RTL1: variants seen among roughly 807,000 people sequenced by gnomAD.
The protein encoded by RTL1 is retrotransposon Gag like 1.
For missense variants in RTL1, 1,681 were observed against 1,767.5 expected (o/e 0.95, Z 0.88); for synonymous variants, 727 against 748.4 (o/e 0.97, Z 0.47).
chr14:100,881,821 C>T lies in RTL1; in HGVS notation c.2968G>A (p.Gly990Ser), dbSNP rs201992343. ...TTTCTCACAGGTGGCAGAGCTCGGCCGCCGTCTTGTTCTGGCAGCTCCATG... is the reference window on the plus strand; with the variant it reads ...TTTCTCACAGGTGGCAGAGCTCGGCTGCCGTCTTGTTCTGGCAGCTCCATG... ...DVMELPEQDG[G>S]RALPPVRNLR... Residue 990 changes from glycine (G) to serine (S), a missense_variant, in exon 4 of 4, where the codon GGC (glycine) becomes AGC (serine). Gly to Ser is a moderately conservative substitution (Grantham distance 56). Coordinates refer to ENST00000649591, the MANE Select transcript of RTL1 (RefSeq NM_001134888.3). The surrounding 1 kb of genome is among the most constrained non-coding windows in gnomAD (Gnocchi z 6.6). 1.9e-4 allele frequency: 309 copies of T among 1,613,912 alleles called. No individual in the cohort carries two copies. The African/African-American group carries it at 2.5e-3, about 13-fold the overall frequency.
intron 3 of RTL1, among the ~76,000 whole-genome samples, chr14:100,887,608 G>C (rs1257513922): frequency 6.6e-6 from 1 of 151,458 alleles, no homozygotes; most frequent in African/African-American, 2.4e-5. Flanking sequence ...ACAAAAATTA[G>C]CCGGGAGTAG....
Position 100,881,992 on chromosome 14 carries a change from C to T in RTL1, c.2797G>A (p.Val933Met). ...GTGTTCTCCAGGTAGCGGCACCACA[C>T]CATGAAGGCAGCCCGTATTGGAAGA... is the stretch of plus-strand genomic sequence containing the variant. Reference protein sequence around the residue: ...KILPIRAAFMVWCRYLENTEE... With the variant: ...KILPIRAAFMMWCRYLENTEE... Residue 933 changes from valine (V) to methionine (M), a missense_variant, in exon 4 of 4, where the codon GTG becomes ATG. Physicochemically the swap from Val to Met is conservative, Grantham distance 21. Transcript: ENST00000649591. The surrounding 1 kb of genome is among the most constrained non-coding windows in gnomAD (Gnocchi z 6.6). 6.2e-7 allele frequency: 1 copy of T among 1,613,660 alleles called. No individual in the cohort carries two copies. The highest frequency in any genetic ancestry group is 1.1e-5 in the South Asian group (1 of 91,040).
chr14:100,883,386 C>A lies in RTL1; in HGVS notation c.1403G>T (p.Gly468Val). Residue 468 changes from glycine (G) to valine (V), a missense_variant, in exon 4 of 4, where the codon GGC becomes GTC. By Grantham distance (109) the Gly-to-Val change is moderately radical (BLOSUM62 -3). Coordinates refer to ENST00000649591, the MANE Select transcript of RTL1 (RefSeq NM_001134888.3). The surrounding 1 kb of genome is among the most constrained non-coding windows in gnomAD (Gnocchi z 5.9). Reference protein sequence around the residue: ...PVQSVDGSLIGNEPVWLYTEP... With the variant: ...PVQSVDGSLIVNEPVWLYTEP... ...CGTGTAGAGCCAGACAGGCTCGTTG[C>A]CAATCAGCGAGCCGTCCACGGATTG... 6.4e-7 allele frequency: 1 copy of A among 1,550,532 alleles called. No individual in the cohort carries two copies. Among genetic ancestry groups the A allele is most frequent in the Non-Finnish European group, 8.7e-7 (1 of 1,146,242 alleles).
rs751778146 is a variant in RTL1 at position 100,882,066 on chromosome 14, C to T, written c.2723G>A (p.Arg908His). The part of the protein sequence containing the change: ...GKRACCAFYS[R>H]NISPIEVEYS... ...CTCAACCTCGATAGGGGAGATGTTG[C>T]GGGAGTAGAAAGCGCAGCAGGCTCT... Residue 908 changes from arginine to histidine, a missense_variant, in exon 4 of 4, where the codon CGC becomes CAC. Arg to His is a conservative substitution (Grantham distance 29). Transcript: ENST00000649591. 2.5e-6 allele frequency: 4 copies of T among 1,606,996 alleles called. No individual in the cohort carries two copies. The highest frequency in any genetic ancestry group is 1.3e-5 in the African/African-American group (1 of 74,764).
Position 100,882,090 on chromosome 14 carries a change from C to T in RTL1, c.2699G>A (p.Arg900Lys), listed in dbSNP as rs750723968. 3.8e-6 allele frequency: 6 copies of T among 1,585,156 alleles called. No individual in the cohort carries two copies. The highest frequency in any genetic ancestry group is 4.3e-6 in the Non-Finnish European group (5 of 1,165,112). The change falls in exon 4 of 4, where the codon AGA becomes AAA. Residue 900 changes from arginine to lysine, a missense_variant. Arg to Lys is a conservative substitution (Grantham distance 26, BLOSUM62 2). Transcript: ENST00000649591. ...GCGGGAGTAGAAAGCGCAGCAGGCT[C>T]TCTTGCCGGTTTGGTCGTCGATTTG... ...LIQIDDQTGK[R>K]ACCAFYSRNI...
chr14:100,883,485 C>T lies in RTL1; in HGVS notation c.1304G>A (p.Gly435Asp), dbSNP rs2038650529. Residue 435 changes from glycine to aspartate, a missense_variant, in exon 4 of 4, where the codon GGC becomes GAC. Physicochemically the swap from Gly to Asp is moderately conservative, Grantham distance 94 (BLOSUM62 -1). Transcript: ENST00000649591. This position sits in a 1 kb window ranked among gnomAD's most constrained non-coding sequence, Gnocchi z 5.9. ...VQALVDSGAD[G>D]NFMDEKFAQE... ...GGCGAACTTCTCATCCATGAAGTTG[C>T]CGTCAGCTCCCGAATCCACCAGGGC... 1 of 1,551,238 alleles carries T rather than the reference C, an allele frequency of 6.4e-7. No homozygotes were observed. Among genetic ancestry groups the T allele is most frequent in the Non-Finnish European group, 8.7e-7 (1 of 1,146,944 alleles).
intron 3 of RTL1, among the ~76,000 whole-genome samples, chr14:100,887,010 A>C (rs1481490293): frequency 6.6e-6 from 1 of 152,224 alleles, no homozygotes; most frequent in Non-Finnish European, 1.5e-5. Flanking sequence ...AATACTTCTT[A>C]ACATCAAAGT....
Position 100,883,875 on chromosome 14 carries a change from A to G in RTL1, c.914T>C (p.Ile305Thr). ...GGGTACCAGGCTCTGGAACTCATCG[A>G]TGTACTCAGTGGCAGAGCGGCCGCC... ...RQGGRSATEY[I>T]DEFQSLVPIL... The change falls in exon 4 of 4, where the codon ATC (isoleucine) becomes ACC (threonine). Residue 305 changes from isoleucine (I) to threonine (T), a missense_variant. Coordinates refer to ENST00000649591, the MANE Select transcript of RTL1 (RefSeq NM_001134888.3). The surrounding 1 kb of genome is among the most constrained non-coding windows in gnomAD (Gnocchi z 5.9). 1.9e-6 allele frequency: 3 copies of G among 1,551,562 alleles called. No homozygotes were observed. The highest frequency in any genetic ancestry group is 2.4e-5 in the East Asian group (1 of 40,910).
chr14:100,899,711 T>TTA (rs111408702), intron 2 of RTL1, among the ~76,000 whole-genome samples: 1 of 142,836 alleles, frequency 7.0e-6, no homozygotes, highest in African/African-American at 2.6e-5. Flanking sequence ...TTCCTGATAT[T>TTA]AAAAAAAAAA....
At chr14:100,901,018 C>T (rs2038934202) in intron 2 of RTL1, among the ~76,000 whole-genome samples, 1 of 152,204 alleles carries the variant, frequency 6.6e-6, no homozygotes, top group Non-Finnish European at 1.5e-5. Flanking sequence ...GTCTGTTAGC[C>T]AGGAAGGCAA....
chr14:100,900,778 G>A (rs2038930679), intron 2 of RTL1, among the ~76,000 whole-genome samples: 1 of 152,092 alleles, frequency 6.6e-6, no homozygotes, highest in Admixed American at 6.5e-5. Context: ...TTCCCATGTG[G>A]GTGCCTCTTG....
rs777898006 is a variant in RTL1, at chr14:100,880,391, G to A, written c.*321C>T. Among the ~76,000 whole-genome samples the A allele has an allele frequency of 2.6e-5, 4 of 152,116 alleles. No individual in the cohort carries two copies. The highest frequency in any genetic ancestry group is 4.8e-5 in the African/African-American group (2 of 41,432). On this transcript the variant is annotated 3_prime_UTR_variant, in exon 4 of 4. Coordinates refer to ENST00000649591, the MANE Select transcript of RTL1 (RefSeq NM_001134888.3). ...TGCCTGCTTCTTCATCTGGCCACGC[G>A]TCATGGGGTCACTTCCTGCTCACCA...
intron 2 of RTL1, among the ~76,000 whole-genome samples, chr14:100,902,307 C>T (rs1030165246): frequency 1.3e-5 from 2 of 152,152 alleles, no homozygotes; most frequent in Non-Finnish European, 2.9e-5. Context: ...AATGGCAATA[C>T]CCCCACCAAT....
chr14:100,900,724 T>C (rs1348025041), intron 2 of RTL1, among the ~76,000 whole-genome samples: 3 of 152,352 alleles, frequency 2.0e-5, no homozygotes, highest in African/African-American at 7.2e-5. Context: ...GAACCCTTTC[T>C]GCACCACCAG....
chr14:100,884,019 A>C lies in RTL1; in HGVS notation c.770T>G (p.Leu257Arg), dbSNP rs2038660722. ...GLALEWAKAL[L>R]QENSPLIGDF... ...TCCGATCAGGGGGCTGTTTTCCTGC[A>C]GTAGAGCTTTGGCCCATTCTAATGC... Residue 257 changes from leucine to arginine, a missense_variant, in exon 4 of 4, where the codon CTG becomes CGG. Physicochemically the swap from Leu to Arg is moderately radical, Grantham distance 102 (BLOSUM62 -2). Coordinates refer to ENST00000649591, the MANE Select transcript of RTL1 (RefSeq NM_001134888.3). 1.3e-6 allele frequency: 2 copies of C among 1,551,758 alleles called. No individual in the cohort carries two copies. The highest frequency in any genetic ancestry group is 8.7e-7 in the Non-Finnish European group (1 of 1,147,012).
At chr14:100,903,220 G>A (rs1053702605) in intron 2 of RTL1, among the ~76,000 whole-genome samples, 71 bp downstream of exon 2, 7 of 152,084 alleles carry the variant, frequency 4.6e-5, no homozygotes, top group Admixed American at 6.5e-5. Context: ...AGCGGGGTCC[G>A]GGCATCCCAT....
chr14:100,897,293 C>T (rs1276570938), intron 2 of RTL1, among the ~76,000 whole-genome samples: 10 of 152,130 alleles, frequency 6.6e-5, no homozygotes, highest in East Asian at 5.8e-4. Flanking sequence ...AACCCACAGG[C>T]GAACAAGCAA....
chr14:100,884,692 T>C lies in RTL1; in HGVS notation c.97A>G (p.Thr33Ala). Residue 33 changes from threonine to alanine, a missense_variant, in exon 4 of 4, where the codon ACC becomes GCC. By Grantham distance (58) the Thr-to-Ala change is moderately conservative. Coordinates refer to ENST00000649591, the MANE Select transcript of RTL1 (RefSeq NM_001134888.3). ...MESSEGSSNT[T>A]EATSGSGVRG... ...ACTCCACTGCCCGACGTCGCCTCGGTGGTGTTGGATGAGCCCTCGGAGGAC... is the reference window on the plus strand; with the variant it reads ...ACTCCACTGCCCGACGTCGCCTCGGCGGTGTTGGATGAGCCCTCGGAGGAC... The C allele has an allele frequency of 1.9e-6, 3 of 1,613,648 alleles. No homozygotes were observed. The highest frequency in any genetic ancestry group is 2.5e-6 in the Non-Finnish European group (3 of 1,179,966).
At position 100,880,911 on chromosome 14, in the gene RTL1, C is replaced by G. The variant is rs1254731444; in HGVS notation, c.3878G>C (p.Gly1293Ala). The change falls in exon 4 of 4, where the codon GGT (glycine) becomes GCT (alanine). Residue 1293 changes from glycine to alanine, a missense_variant. Gly to Ala is a moderately conservative substitution (Grantham distance 60). Coordinates refer to ENST00000649591, the MANE Select transcript of RTL1 (RefSeq NM_001134888.3). ...ACTGTGGATGTGGAGCAGGCGGCTACCAAGGAATTCCAGGACCTGGGGATC... is the reference window on the plus strand; with the variant it reads ...ACTGTGGATGTGGAGCAGGCGGCTAGCAAGGAATTCCAGGACCTGGGGATC... ...LMDPQVLEFL[G>A]SRLLHIHSAD... 8 of 1,489,630 alleles carry G rather than the reference C, an allele frequency of 5.4e-6. No homozygotes were observed. Among genetic ancestry groups the G allele is most frequent in the Non-Finnish European group, 7.1e-6 (8 of 1,121,222 alleles). The allele number at this position is 1,489,630 out of a possible 1,614,324, so 92.3% of individuals were successfully genotyped here. A position where few individuals can be genotyped will look rare whatever the true frequency, so the allele number is the denominator to read the frequency against.
Sources: allele counts gnomAD v4.1 joint callset (sites outside exome capture counted in the v4.1 genomes callset), GRCh38; gene constraint gnomAD v4.1.1; non-coding constraint Gnocchi (gnomAD v3.1); transcripts MANE v1.5; gene names NCBI Gene and HGNC (gene_info 2026-07-23, HGNC 2026-07-21).